NAALADL2: variants seen among roughly 807,000 people sequenced by gnomAD.
NAALADL2 encodes the protein N-acetylated alpha-linked acidic dipeptidase like 2.
In NAALADL2, 76 loss-of-function variants were observed where a neutral mutation model predicts 87.2. The ratio of observed to expected loss-of-function variants is 0.87; its 90% confidence interval spans 0.72 to 1.05. NAALADL2 has a LOEUF of 1.05. Ranked by LOEUF, NAALADL2 falls within the 50% of genes least tolerant of loss-of-function variation. The pLI is 0.00. For synonymous variants in NAALADL2, 354 were observed against 331.0 expected, an observed-to-expected ratio of 1.07 and a Z score of -0.75; for missense variants, 1,089 against 945.8, an observed-to-expected ratio of 1.15 and a Z score of -1.99.
chr3:175,038,713 C>T (rs562754303), intron 1 of NAALADL2, among the ~76,000 whole-genome samples: 1 of 152,094 alleles, frequency 6.6e-6, no homozygotes, highest in African/African-American at 2.4e-5. Flanking sequence ...ACTGAATGAC[C>T]TTCTGATTCA....
At chr3:174,586,280 C>T (rs145598541) in intron 2 of NAALADL2, among the ~76,000 whole-genome samples, 1 of 152,042 alleles carries the variant, frequency 6.6e-6, no homozygotes, top group Non-Finnish European at 1.5e-5. Context: ...ATTTAGCCTC[C>T]CTAGTGGTAT....
chr3:174,603,706 G>A (rs1718686215), intron 2 of NAALADL2, among the ~76,000 whole-genome samples: 1 of 151,642 alleles, frequency 6.6e-6, no homozygotes, highest in South Asian at 2.1e-4. Context: ...TTCTATGTAG[G>A]CACTTATAGC....
chr3:175,603,849 C>T (rs974521230), intron 10 of NAALADL2, among the ~76,000 whole-genome samples: 2 of 152,022 alleles, frequency 1.3e-5, no homozygotes, highest in Non-Finnish European at 2.9e-5. Context: ...CAAAAATTAG[C>T]CAGGCTTTGT....
At chr3:175,644,709 G>A (rs979480429) in intron 11 of NAALADL2, among the ~76,000 whole-genome samples, 11 of 151,940 alleles carry the variant, frequency 7.2e-5, no homozygotes, top group African/African-American at 2.4e-4. Context: ...AATATCTTGA[G>A]TATTCTTGTC....
At chr3:175,645,494 A>G (rs952594957) in intron 11 of NAALADL2, among the ~76,000 whole-genome samples, 3 of 152,104 alleles carry the variant, frequency 2.0e-5, no homozygotes, top group Admixed American at 6.5e-5. Context: ...AGTCCTACCT[A>G]GTCTGGGACG....
chr3:174,493,179 G>A (rs1004474022), intron 1 of NAALADL2, among the ~76,000 whole-genome samples: 6 of 152,072 alleles, frequency 3.9e-5, no homozygotes, highest in East Asian at 1.9e-4. Flanking sequence ...AATTCATGTC[G>A]AAATCTTGAT....
intron 4 of NAALADL2, among the ~76,000 whole-genome samples, chr3:175,263,879 G>T (rs1222710385): frequency 6.6e-6 from 1 of 151,594 alleles, no homozygotes; most frequent in Non-Finnish European, 1.5e-5. Context: ...AAAACAGTAA[G>T]CTCTAGCTAT....
chr3:175,791,901 G>C (rs1752828780), intron 13 of NAALADL2, among the ~76,000 whole-genome samples: 1 of 132,506 alleles, frequency 7.5e-6, no homozygotes, highest in Non-Finnish European at 1.6e-5. Flanking sequence ...TGCTTTTAGA[G>C]TTCCCAAAGC....
chr3:174,854,526 G>A (rs1023126254), upstream of NAALADL2, among the ~76,000 whole-genome samples: 1 of 152,056 alleles, frequency 6.6e-6, no homozygotes, highest in African/African-American at 2.4e-5. Flanking sequence ...AAATCATTAA[G>A]AGTGAAATTG....
At chr3:174,808,552 A>G (rs919728376) in intron 3 of NAALADL2, among the ~76,000 whole-genome samples, 1 of 152,178 alleles carries the variant, frequency 6.6e-6, no homozygotes, top group Non-Finnish European at 1.5e-5. Context: ...CAATACAGCA[A>G]CTGCTATTTT....
intron 11 of NAALADL2, among the ~76,000 whole-genome samples, chr3:175,733,118 C>G (rs917215516): frequency 2.0e-5 from 3 of 152,076 alleles, no homozygotes; most frequent in African/African-American, 7.2e-5. Context: ...TTTTCCCAAG[C>G]AGATAGAAGA....
Position 175,069,147 on chromosome 3 carries a change from C to CA in NAALADL2, c.44-27639dup, listed in dbSNP as rs528716728. ...CACCAAAAGCAATGGCAACAAAAGC[C>CA]AAAATTGACAAATGGGATCTAATTA... On this transcript the variant is annotated intron_variant, in intron 1 of 13. Coordinates refer to ENST00000454872, the MANE Select transcript of NAALADL2 (RefSeq NM_207015.3). 8.8e-3 allele frequency among the ~76,000 whole-genome samples: 1,327 copies of CA among 150,296 alleles called. 19 individuals are homozygous for CA. The highest frequency in any genetic ancestry group is 0.032 in the African/African-American group (1,258 of 39,842).
intron 2 of NAALADL2, among the ~76,000 whole-genome samples, chr3:174,635,506 G>GTT (rs11285134): frequency 1.4e-5 from 2 of 139,564 alleles, no homozygotes; most frequent in Non-Finnish European, 3.1e-5. Context: ...GGTGGTTGTG[G>GTT]TTTTTTTTTT....
intron 1 of NAALADL2, among the ~76,000 whole-genome samples, chr3:174,951,440 G>C (rs1043653795): frequency 6.6e-6 from 1 of 151,980 alleles, no homozygotes; most frequent in Non-Finnish European, 1.5e-5. Context: ...GAAAATAGGC[G>C]GAGTGAATTT....
intron 10 of NAALADL2, among the ~76,000 whole-genome samples, chr3:175,587,797 A>G (rs1329387739): frequency 6.6e-6 from 1 of 152,232 alleles, no homozygotes; most frequent in African/African-American, 2.4e-5. Context: ...ATGTGTGGAC[A>G]CCCAGTTTGC....
chr3:175,804,067 C>T lies in NAALADL2; in HGVS notation c.*864C>T, dbSNP rs1754494711. The T allele has an allele frequency of 6.6e-6, 1 of 151,882 alleles. No homozygotes were observed. Among genetic ancestry groups the T allele is most frequent in the Admixed American group, 6.6e-5 (1 of 15,202 alleles). The allele number at this position is 151,882 out of a possible 1,614,324, so 9.4% of individuals were successfully genotyped here. A position where few individuals can be genotyped will look rare whatever the true frequency, so the allele number is the denominator to read the frequency against. On this transcript the variant is annotated 3_prime_UTR_variant, in exon 14 of 14. Coordinates refer to ENST00000454872, the MANE Select transcript of NAALADL2 (RefSeq NM_207015.3). The stretch of plus-strand genomic sequence containing the variant: ...CTCACATTGGTTTTCTTTCTTGTAT[C>T]TTTTCTGAAACTCCTTGCTGTAAGG...
Position 174,510,403 on chromosome 3 carries a change from CTT to C in NAALADL2, c.-183-40165_-183-40164del, listed in dbSNP as rs1412412580. On this transcript the variant is annotated intron_variant, in intron 1 of 3. Coordinates refer to the NAALADL2 transcript ENST00000434257. ...ATTTTGTTTTGAGAAGGTTTTTAAA[CTT>C]AAGTTTAACATCTTTCTTTGAGAAT... is the stretch of plus-strand genomic sequence containing the variant. Among the ~76,000 whole-genome samples the C allele has an allele frequency of 1.5e-4, 23 of 152,122 alleles. No homozygotes were observed. In the East Asian group the frequency reaches 3.5e-3, roughly 23 times the overall value.
chr3:175,559,084 G>T (rs1027746151), intron 9 of NAALADL2, among the ~76,000 whole-genome samples: 6 of 151,716 alleles, frequency 4.0e-5, no homozygotes, highest in African/African-American at 9.7e-5. Flanking sequence ...ATTTTTTGTT[G>T]TCCTCTTCAA....
intron 9 of NAALADL2, among the ~76,000 whole-genome samples, chr3:175,490,509 C>T (rs1017591550): frequency 6.6e-6 from 1 of 151,646 alleles, no homozygotes; most frequent in Non-Finnish European, 1.5e-5. Flanking sequence ...GCCTCAGCCT[C>T]CCGAGTAGCT....
Sources: allele counts gnomAD v4.1 joint callset (sites outside exome capture counted in the v4.1 genomes callset), GRCh38; gene constraint gnomAD v4.1.1; transcripts MANE v1.5; gene names NCBI Gene and HGNC (gene_info 2026-07-23, HGNC 2026-07-21).